The following SNX30 variants were observed in gnomAD, a reference collection of about 807,000 sequenced individuals.
SNX30 encodes the protein sorting nexin-30.
A neutral mutation model predicts 46.4 loss-of-function variants in SNX30; 24 were observed. The observed-to-expected ratio is 0.52, with a 90% CI of 0.37 to 0.73. The LOEUF (loss-of-function observed/expected upper bound fraction) is 0.73. SNX30 is among the 30% of genes least tolerant of loss of function. The probability of loss-of-function intolerance (pLI) is 0.00; values close to 1 mark genes in which losing one functional copy is unlikely to be tolerated. For synonymous variants in SNX30, 189 were observed against 211.5 expected, an observed-to-expected ratio of 0.89 and a Z score of 0.92; for missense variants, 533 against 555.7, an observed-to-expected ratio of 0.96 and a Z score of 0.41.
chr9:112,764,557 A>G (rs1839501874), intron 1 of SNX30, among the ~76,000 whole-genome samples: 1 of 152,004 alleles, frequency 6.6e-6, no homozygotes. Flanking sequence ...TTTCATTCCA[A>G]TCAAGTGTTT....
chr9:112,760,729 C>T (rs73546784), intron 1 of SNX30, among the ~76,000 whole-genome samples: 1 of 152,150 alleles, frequency 6.6e-6, no homozygotes, highest in Non-Finnish European at 1.5e-5. Context: ...TTTGGTTTGC[C>T]ACTTGAAACT....
At position 112,868,877 on chromosome 9, in the gene SNX30, C is replaced by G; in HGVS notation, c.*34C>G. 3.7e-6 allele frequency: 6 copies of G among 1,606,170 alleles called. No homozygotes were observed. The highest frequency in any genetic ancestry group is 5.1e-6 in the Non-Finnish European group (6 of 1,172,802). On this transcript the variant is annotated 3_prime_UTR_variant, in exon 9 of 9. Coordinates refer to ENST00000374232, the MANE Select transcript of SNX30 (RefSeq NM_001012994.2). Reference sequence around the variant, plus strand: ...CTTGGGACGGAGACTCTTCTACCTACACAGGGCCTGGCACCCTATACCGGA... The same window carrying G: ...CTTGGGACGGAGACTCTTCTACCTAGACAGGGCCTGGCACCCTATACCGGA...
intron 1 of SNX30, among the ~76,000 whole-genome samples, chr9:112,759,998 A>G (rs1839411244): frequency 6.6e-6 from 1 of 152,068 alleles, no homozygotes; most frequent in Non-Finnish European, 1.5e-5. Context: ...TACTCTCCAC[A>G]TTTCTTTCTA....
At chr9:112,804,730 C>G (rs1460648183) in intron 1 of SNX30, 46 bp from the exon 2 acceptor site, 2 of 1,383,042 alleles carry the variant, frequency 1.4e-6, no homozygotes, top group Non-Finnish European at 9.4e-7. Context: ...CTGATACTCT[C>G]CAGTATGTTT....
rs1260519197 is a variant in SNX30 at position 112,865,649 on chromosome 9, ATATATATATATATGTATG to A, written c.1254+1254_1254+1271del. Among the ~76,000 whole-genome samples the A allele has an allele frequency of 7.8e-4, 67 of 86,052 alleles. 2 individuals carry two copies. Among genetic ancestry groups the A allele is most frequent in the African/African-American group, 2.3e-3 (64 of 27,298 alleles). 56.5% of individuals were successfully genotyped at this position (86,052 alleles called of 152,430 possible). On this transcript the variant is annotated intron_variant, in intron 8 of 8. Coordinates refer to ENST00000374232, the MANE Select transcript of SNX30 (RefSeq NM_001012994.2). Reference sequence around the variant, plus strand: ...CATATATATATATATATATATATATATATATATATATATGTATGTATGTATGCACACACACACACACGT... The same window carrying A: ...CATATATATATATATATATATATATATATGTATGCACACACACACACACGT...
chr9:112,858,344 G>A (rs1000674781), intron 7 of SNX30, among the ~76,000 whole-genome samples: 1 of 151,892 alleles, frequency 6.6e-6, no homozygotes, highest in Non-Finnish European at 1.5e-5. Context: ...GCAAGACCTC[G>A]CCTCTACTCC....
chr9:112,881,094 A>G (rs750278254), intron 5 of SNX30, among the ~76,000 whole-genome samples: 3 of 152,158 alleles, frequency 2.0e-5, no homozygotes, highest in Admixed American at 6.5e-5. Flanking sequence ...TATCCATTAC[A>G]TTGTTTAAAA....
chr9:112,828,620 G>A (rs1035724583), intron 3 of SNX30, among the ~76,000 whole-genome samples: 1 of 152,316 alleles, frequency 6.6e-6, no homozygotes, highest in East Asian at 1.9e-4. Context: ...ATGGGGGCAG[G>A]AATAAGCGGA....
chr9:112,845,680 G>A (rs112408352), intron 6 of SNX30, among the ~76,000 whole-genome samples: 4,595 of 152,228 alleles, frequency 0.03, 238 homozygotes, highest in African/African-American at 0.1. Context: ...AAATCTGGAC[G>A]GGCCAAGAGA....
Position 112,836,269 on chromosome 9 carries a change from C to G in SNX30, c.674C>G (p.Ser225Ter). 1.9e-6 allele frequency: 3 copies of G among 1,612,068 alleles called. No individual in the cohort carries two copies. The highest frequency in any genetic ancestry group is 2.5e-6 in the Non-Finnish European group (3 of 1,178,230). Residue 225 changes from serine (S) to a stop codon, truncating the protein, a stop_gained, in exon 5 of 9, where the codon TCA becomes TGA. Coordinates refer to ENST00000374232, the MANE Select transcript of SNX30 (RefSeq NM_001012994.2). LOFTEE classifies it high-confidence loss of function. ...GIALLTRMGE[S>*]VKHVTGGYKL... ...GCATTGCTGACCAGAATGGGCGAGT[C>G]AGTCAAGCACGTCACTGGCGGCTAC...
At chr9:112,880,555 C>CGG (rs1841564028) in intron 5 of SNX30, 1 of 153,772 alleles carries the variant, frequency 6.5e-6, no homozygotes, top group East Asian at 1.9e-4. Flanking sequence ...TAGCTCATCA[C>CGG]CCATCCAGAC....
At chr9:112,825,520 C>G (rs1840567542) in intron 3 of SNX30, among the ~76,000 whole-genome samples, 1 of 152,082 alleles carries the variant, frequency 6.6e-6, no homozygotes, top group Non-Finnish European at 1.5e-5. Flanking sequence ...TCTGGAGCTC[C>G]TAGCCTCAAG....
chr9:112,754,680 A>T (rs1286275622), intron 1 of SNX30, among the ~76,000 whole-genome samples: 1 of 152,184 alleles, frequency 6.6e-6, no homozygotes, highest in Non-Finnish European at 1.5e-5. Flanking sequence ...TTCTGGGATT[A>T]CAGGCGTGAG....
rs1406163106 is a variant in SNX30 at position 112,870,108 on chromosome 9, A to AATGACCAGGTTTACTTTTCAGATC, written c.*1267_*1290dup. On this transcript the variant is annotated 3_prime_UTR_variant, in exon 9 of 9. Coordinates refer to ENST00000374232, the MANE Select transcript of SNX30 (RefSeq NM_001012994.2). Reference sequence around the variant, plus strand: ...TGTGGTTACAGGCTGCATTTCAGACAATGACCAGGTTTACTTTTCAGATCA... The same window carrying AATGACCAGGTTTACTTTTCAGATC: ...TGTGGTTACAGGCTGCATTTCAGACAATGACCAGGTTTACTTTTCAGATCATGACCAGGTTTACTTTTCAGATCA... The AATGACCAGGTTTACTTTTCAGATC allele has an allele frequency of 1.3e-5, 2 of 152,168 alleles. No individual in the cohort carries two copies. The highest frequency in any genetic ancestry group is 2.9e-5 in the Non-Finnish European group (2 of 68,018). The allele number at this position is 152,168 out of a possible 1,614,324, so 9.4% of individuals were successfully genotyped here. A position where few individuals can be genotyped will look rare whatever the true frequency, so the allele number is the denominator to read the frequency against.
chr9:112,774,548 G>A (rs1474666883), intron 1 of SNX30, among the ~76,000 whole-genome samples: 1 of 152,154 alleles, frequency 6.6e-6, no homozygotes, highest in African/African-American at 2.4e-5. Context: ...TTTCTCTTGA[G>A]TAAATATCTA....
intron 1 of SNX30, among the ~76,000 whole-genome samples, chr9:112,779,638 T>C (rs1283346639): frequency 3.3e-5 from 5 of 152,128 alleles, no homozygotes; most frequent in African/African-American, 1.2e-4. Context: ...GAGGTTGCAA[T>C]GAGCCAAGAT....
At chr9:112,778,812 C>A (rs536236134) in intron 1 of SNX30, among the ~76,000 whole-genome samples, 1 of 149,964 alleles carries the variant, frequency 6.7e-6, no homozygotes, top group African/African-American at 2.5e-5. Context: ...GTGCCAGAGG[C>A]AGGTGGATGA....
At chr9:112,761,719 G>A (rs1379338705) in intron 1 of SNX30, among the ~76,000 whole-genome samples, 1 of 152,180 alleles carries the variant, frequency 6.6e-6, no homozygotes, top group Non-Finnish European at 1.5e-5. Context: ...ATGTGCGAGT[G>A]AAGTGTAAAG....
intron 2 of SNX30, among the ~76,000 whole-genome samples, chr9:112,813,325 C>G (rs568844733): frequency 1.3e-5 from 2 of 151,838 alleles, no homozygotes; most frequent in East Asian, 3.9e-4. Flanking sequence ...AAAAAACCAC[C>G]AAAAATCAGC....
Sources: allele counts gnomAD v4.1 joint callset (sites outside exome capture counted in the v4.1 genomes callset), GRCh38; gene constraint gnomAD v4.1.1; transcripts MANE v1.5; gene names NCBI Gene and HGNC (gene_info 2026-07-23, HGNC 2026-07-21).